Variants in DPH3 observed in about 807,000 individuals in gnomAD.
DPH3 encodes the protein diphthamide biosynthesis protein 3.
Under a neutral mutation model 10.2 loss-of-function variants are expected in DPH3, and 8 were observed. The observed-to-expected ratio is 0.79, with a 90% CI of 0.46 to 1.42. DPH3 has a LOEUF of 1.42. Ranked by LOEUF, DPH3 falls within the 40% of genes most tolerant of loss-of-function variation. DPH3 has a pLI of 0.00. For missense variants in DPH3, 96 were observed against 98.9 expected (o/e 0.97, Z 0.12); for synonymous variants, 35 against 35.6 (o/e 0.98, Z 0.06).
In DPH3 at chr3:16,260,820, C is replaced by T. The variant is rs1559705722; in HGVS notation, c.193G>A (p.Val65Met). 1 of 1,613,824 alleles carries T rather than the reference C, an allele frequency of 6.2e-7. No homozygotes were observed. Among genetic ancestry groups the T allele is most frequent in the South Asian group, 1.1e-5 (1 of 91,014 alleles). ...IKVIYDKDQF[V>M]CGETVPAPSA... is the part of the protein sequence containing the mutation. ...GGGGCTGGGACTGTTTCTCCACACA[C>T]AAACTGATCCTAAGACAGAGTGAGA... Residue 65 changes from valine (V) to methionine (M), a missense_variant, in exon 3 of 3, where the codon GTG (valine) becomes ATG (methionine). Physicochemically the swap from Val to Met is conservative, Grantham distance 21. Transcript: ENST00000488423.
At position 16,260,726 on chromosome 3, in the gene DPH3, A is replaced by AT; in HGVS notation, c.*37dup. 6.3e-7 allele frequency: 1 copy of AT among 1,578,440 alleles called. No individual in the cohort carries two copies. The highest frequency in any genetic ancestry group is 1.3e-5 in the African/African-American group (1 of 74,384). ...GCATTCGATATTTCTATCTGGGCTCATTCCAAATGTTCAGGATTTGGATTC... is the reference window on the plus strand; with the variant it reads ...GCATTCGATATTTCTATCTGGGCTCATTTCCAAATGTTCAGGATTTGGATTC... On this transcript the variant is annotated 3_prime_UTR_variant, in exon 3 of 3. Transcript: ENST00000488423.
rs1293543547 is a variant in DPH3 at position 16,260,660 on chromosome 3, A to G, written c.*104T>C. 10 of 1,001,708 alleles carry G rather than the reference A, an allele frequency of 1.0e-5. No homozygotes were observed. The African/African-American group carries it at 1.6e-4, about 16-fold the overall frequency. The allele number at this position is 1,001,708 out of a possible 1,614,324, so 62.1% of individuals were successfully genotyped here. On this transcript the variant is annotated 3_prime_UTR_variant, in exon 3 of 3. Coordinates refer to ENST00000488423, the MANE Select transcript of DPH3 (RefSeq NM_206831.3). ...GAAAGAATCCACACTCTTACAGAAC[A>G]GCAAATCATAAATGGTTGTCTCTGT... is the stretch of plus-strand genomic sequence containing the variant.
chr3:16,264,278 T>C, intron 1 of DPH3, 49 bp from the exon 2 acceptor site: 1 of 1,482,020 alleles, frequency 6.7e-7, no homozygotes, highest in Non-Finnish European at 9.2e-7. Flanking sequence ...CTCTTCGCCA[T>C]CTCCTCCCCC....
rs2064287722 is a variant in DPH3, at chr3:16,260,818, C to A, written c.195G>T (p.Val65=). The A allele has an allele frequency of 1.2e-6, 2 of 1,613,794 alleles. No homozygotes were observed. The highest frequency in any genetic ancestry group is 1.7e-6 in the Non-Finnish European group (2 of 1,179,762). The change falls in exon 3 of 3, where the codon GTG becomes GTT. Residue 65 remains valine, a synonymous_variant. Coordinates refer to ENST00000488423, the MANE Select transcript of DPH3 (RefSeq NM_206831.3). ...IKVIYDKDQF[V]CGETVPAPSA... ...AAGGGGCTGGGACTGTTTCTCCACA[C>A]ACAAACTGATCCTAAGACAGAGTGA...
Position 16,260,733 on chromosome 3 carries a change from A to C in DPH3, c.*31T>G, listed in dbSNP as rs199933498. The C allele has an allele frequency of 1.4e-4, 230 of 1,595,712 alleles. No individual in the cohort carries two copies. Among genetic ancestry groups the C allele is most frequent in the Admixed American group, 2.8e-4 (17 of 59,658 alleles). On this transcript the variant is annotated 3_prime_UTR_variant, in exon 3 of 3. Transcript: ENST00000488423. The stretch of plus-strand genomic sequence containing the variant: ...ATATTTCTATCTGGGCTCATTCCAA[A>C]TGTTCAGGATTTGGATTCCTGAAGG...
Position 16,257,583 on chromosome 3 carries a change from A to G in DPH3, c.*3181T>C, listed in dbSNP as rs975257394. Among the ~76,000 whole-genome samples the G allele has an allele frequency of 6.6e-6, 1 of 152,240 alleles. No individual in the cohort carries two copies. The highest frequency in any genetic ancestry group is 2.4e-5 in the African/African-American group (1 of 41,462). On this transcript the variant is annotated 3_prime_UTR_variant, in exon 3 of 3. Coordinates refer to ENST00000488423, the MANE Select transcript of DPH3 (RefSeq NM_206831.3). ...AGGTACTATGATCCAGATTTCACAA[A>G]CCAGAATATAATTATTAAGTAACTT...
In DPH3 at chr3:16,258,759, T is replaced by G. The variant is rs1470875079; in HGVS notation, c.*2005A>C. On this transcript the variant is annotated 3_prime_UTR_variant, in exon 3 of 3. Coordinates refer to ENST00000488423, the MANE Select transcript of DPH3 (RefSeq NM_206831.3). ...CGAGCCACTGCGCCTGGCTCTGGTT[T>G]TACCTTCTGCTTAACACAGGATTCA... The G allele has an allele frequency of 6.6e-6, 1 of 152,228 alleles. No individual in the cohort carries two copies. The highest frequency in any genetic ancestry group is 1.5e-5 in the Non-Finnish European group (1 of 68,038). 9.4% of individuals were successfully genotyped at this position (152,228 alleles called of 1,614,324 possible).
At position 16,264,793 on chromosome 3, in the gene DPH3, A is replaced by ACATGTC. The variant is rs1432582991; in HGVS notation, c.83_84insGACATG (p.Pro27_Cys28insTrpThr). 6.2e-7 allele frequency: 1 copy of ACATGTC among 1,614,116 alleles called. No individual in the cohort carries two copies. The highest frequency in any genetic ancestry group is 1.3e-5 in the African/African-American group (1 of 74,952). Reference sequence around the variant, plus strand: ...CCTTGGTGATGGAGAAGTTATCTCCACATGGGCAGGGATAGAAATACGTCT... The same window carrying ACATGTC: ...CCTTGGTGATGGAGAAGTTATCTCCACATGTCCATGGGCAGGGATAGAAATACGTCT... On this transcript the variant is annotated inframe_insertion, in exon 1 of 3. Coordinates refer to ENST00000488423, the MANE Select transcript of DPH3 (RefSeq NM_206831.3).
At position 16,264,291 on chromosome 3, in the gene DPH3, A is replaced by T. The variant is rs186374517; in HGVS notation, c.109-62T>A. The T allele has an allele frequency of 1.1e-4, 144 of 1,322,164 alleles. 1 individual carries two copies. The East Asian group carries it at 2.9e-3, about 27-fold the overall frequency. The allele number at this position is 1,322,164 out of a possible 1,614,324, so 81.9% of individuals were successfully genotyped here. The stretch of plus-strand genomic sequence containing the variant: ...TTCTCTTCGCCATCTCCTCCCCCAA[A>T]CCTATCCCACCCCTAGATGCAAGTC... On this transcript the variant is annotated intron_variant, in intron 1 of 2. Transcript: ENST00000488423.
chr3:16,264,790 T>G lies in DPH3; in HGVS notation c.87A>C (p.Gly29=), dbSNP rs772180775. ...SETYFYPCPC[G]DNFSITKEDL... ...TTACCTTGGTGATGGAGAAGTTATC[T>G]CCACATGGGCAGGGATAGAAATACG... Residue 29 remains glycine, a synonymous_variant, in exon 1 of 3, where the codon GGA becomes GGC. Transcript: ENST00000488423. 1 of 1,614,058 alleles carries G rather than the reference T, an allele frequency of 6.2e-7. No individual in the cohort carries two copies. Among genetic ancestry groups the G allele is most frequent in the Admixed American group, 1.7e-5 (1 of 59,998 alleles).
chr3:16,264,532 A>G (rs2064359644), intron 1 of DPH3: 2 of 583,340 alleles, frequency 3.4e-6, no homozygotes, highest in South Asian at 4.2e-5. Flanking sequence ...GATCGGGCAG[A>G]GAGACAGAGG....
In DPH3 at chr3:16,263,873, T is replaced by A. The variant is rs200862193; in HGVS notation, c.183+282A>T. 6.6e-6 allele frequency among the ~76,000 whole-genome samples: 1 copy of A among 152,158 alleles called. No individual in the cohort carries two copies. Among genetic ancestry groups the A allele is most frequent in the Non-Finnish European group, 1.5e-5 (1 of 68,028 alleles). On this transcript the variant is annotated intron_variant, in intron 2 of 2. Coordinates refer to ENST00000488423, the MANE Select transcript of DPH3 (RefSeq NM_206831.3). The surrounding 1 kb of genome is among the most constrained non-coding windows in gnomAD (Gnocchi z 4.0). ...TTAAATAGAAGAGAAATATAAAAAATTGTCCACTAAAATAATCTATATACT... is the reference window on the plus strand; with the variant it reads ...TTAAATAGAAGAGAAATATAAAAAAATGTCCACTAAAATAATCTATATACT...
rs2064291326 is a variant in DPH3, at chr3:16,261,181, G to C, written c.184-352C>G. 6.6e-6 allele frequency among the ~76,000 whole-genome samples: 1 copy of C among 152,048 alleles called. No homozygotes were observed. Among genetic ancestry groups the C allele is most frequent in the Admixed American group, 6.6e-5 (1 of 15,260 alleles). On this transcript the variant is annotated intron_variant, in intron 2 of 2. Coordinates refer to ENST00000488423, the MANE Select transcript of DPH3 (RefSeq NM_206831.3). This position sits in a 1 kb window ranked among gnomAD's most constrained non-coding sequence, Gnocchi z 7.1. ...TAAAACTTCTCCACTTTAATATTTGGTCATTCAAATACCAGTCCTCTTCAA... is the reference window on the plus strand; with the variant it reads ...TAAAACTTCTCCACTTTAATATTTGCTCATTCAAATACCAGTCCTCTTCAA...
chr3:16,264,309 T>C, intron 1 of DPH3, 80 bp from the exon 2 acceptor site: 1 of 1,160,786 alleles, frequency 8.6e-7, no homozygotes, highest in Non-Finnish European at 1.2e-6. Flanking sequence ...CACCCCTAGA[T>C]GCAAGTCTCT....
chr3:16,260,219 G>A lies in DPH3; in HGVS notation c.*545C>T, dbSNP rs2064283768. On this transcript the variant is annotated 3_prime_UTR_variant, in exon 3 of 3. Transcript: ENST00000488423. ...GCATGAAGCATTACAGAAATGACACGCTGAACAGAACATGTCCATTCTAAT... is the reference window on the plus strand; with the variant it reads ...GCATGAAGCATTACAGAAATGACACACTGAACAGAACATGTCCATTCTAAT... 2 of 152,550 alleles carry A rather than the reference G, an allele frequency of 1.3e-5. No homozygotes were observed. The highest frequency in any genetic ancestry group is 2.4e-5 in the African/African-American group (1 of 41,422). The allele number at this position is 152,550 out of a possible 1,614,324, so 9.4% of individuals were successfully genotyped here. A position where few individuals can be genotyped will look rare whatever the true frequency, so the allele number is the denominator to read the frequency against.
At position 16,264,925 on chromosome 3, in the gene DPH3, G is replaced by A; in HGVS notation, c.-49C>T. The stretch of plus-strand genomic sequence containing the variant: ...GTAACGCCCCAGCAGTCCGAGGCCA[G>A]CTCCGAGGGTTTAACTTCGCCGGAA... On this transcript the variant is annotated 5_prime_UTR_variant, in exon 1 of 3. Coordinates refer to ENST00000488423, the MANE Select transcript of DPH3 (RefSeq NM_206831.3). 1 of 1,600,776 alleles carries A rather than the reference G, an allele frequency of 6.2e-7. No homozygotes were observed. The highest frequency in any genetic ancestry group is 8.5e-7 in the Non-Finnish European group (1 of 1,169,928).
intron 1 of DPH3, 63 bp from the exon 2 acceptor site, chr3:16,264,292 C>G: frequency 7.5e-7 from 1 of 1,329,902 alleles, no homozygotes; most frequent in Non-Finnish European, 1.0e-6. Flanking sequence ...CTCCCCCAAA[C>G]CTATCCCACC....
rs1437287349 is a variant in DPH3 at position 16,264,858 on chromosome 3, C to G, written c.19G>C (p.Glu7Gln). 1 of 1,614,236 alleles carries G rather than the reference C, an allele frequency of 6.2e-7. No individual in the cohort carries two copies. Among genetic ancestry groups the G allele is most frequent in the Admixed American group, 1.7e-5 (1 of 60,034 alleles). MAVFHD[E>Q]VEIEDFQYDE... ...TATTGGAAGTCCTCGATTTCCACCT[C>G]GTCATGAAACACTGCCATGGTCAGC... Residue 7 changes from glutamate (E) to glutamine (Q), a missense_variant, in exon 1 of 3, where the codon GAG becomes CAG. Glu to Gln is a conservative substitution (Grantham distance 29, BLOSUM62 2). Transcript: ENST00000488423.
Position 16,261,474 on chromosome 3 carries a change from A to G in DPH3, c.184-645T>C, listed in dbSNP as rs1029987350. ...CTGTGCCCTTTGGAATTCATGGTCC[A>G]TTGTTAGCACAATGCTTCATATTCT... is the stretch of plus-strand genomic sequence containing the variant. On this transcript the variant is annotated intron_variant, in intron 2 of 2. Transcript: ENST00000488423. This position sits in a 1 kb window ranked among gnomAD's most constrained non-coding sequence, Gnocchi z 7.1. Among the ~76,000 whole-genome samples, 2 of 152,216 alleles carry G rather than the reference A, an allele frequency of 1.3e-5. No homozygotes were observed. The highest frequency in any genetic ancestry group is 2.9e-5 in the Non-Finnish European group (2 of 68,030).
Sources: allele counts gnomAD v4.1 joint callset (sites outside exome capture counted in the v4.1 genomes callset), GRCh38; gene constraint gnomAD v4.1.1; non-coding constraint Gnocchi (gnomAD v3.1); transcripts MANE v1.5; gene names NCBI Gene and HGNC (gene_info 2026-07-23, HGNC 2026-07-21).